The following SLC37A1 variants were observed in gnomAD, a reference collection of about 807,000 sequenced individuals.
SLC37A1 encodes the protein solute carrier family 37 member 1.
In SLC37A1, 49 loss-of-function variants were observed where a neutral mutation model predicts 75.3. The observed-to-expected ratio is 0.65, with a 90% confidence interval of 0.52 to 0.83. The LOEUF (loss-of-function observed/expected upper bound fraction) is 0.83. Ranked by LOEUF, SLC37A1 falls within the 40% of genes least tolerant of loss-of-function variation. SLC37A1 has a pLI of 0.00. For missense variants in SLC37A1, 566 were observed against 695.0 expected, an observed-to-expected ratio of 0.81 and a Z score of 2.09; for synonymous variants, 268 against 292.1, an observed-to-expected ratio of 0.92 and a Z score of 0.84.
At chr21:42,543,106 A>C (rs543362284) in intron 7 of SLC37A1, among the ~76,000 whole-genome samples, 30 of 152,344 alleles carry the variant, frequency 2.0e-4, no homozygotes, top group African/African-American at 7.2e-4. Flanking sequence ...ACAGTTCATC[A>C]AGTGACTGTA....
chr21:42,518,505 T>A lies in SLC37A1; in HGVS notation c.51T>A (p.Asp17Glu). Residue 17 changes from aspartate (D) to glutamate (E), a missense_variant, in exon 2 of 20, where the codon GAT (aspartate) becomes GAA (glutamate). By Grantham distance (45) the Asp-to-Glu change is conservative (BLOSUM62 2). Transcript: ENST00000352133. Reference sequence around the variant, plus strand: ...GCTTCATCATCTCATTCTCCAGGGATCAGTGGTGAGTCCTGGTGGGGCAGG... The same window carrying A: ...GCTTCATCATCTCATTCTCCAGGGAACAGTGGTGAGTCCTGGTGGGGCAGG... Reference protein sequence around the residue: ...GIRFIISFSRDQWYRAFIFIL... With the variant: ...GIRFIISFSREQWYRAFIFIL... The A allele has an allele frequency of 6.8e-6, 11 of 1,614,108 alleles. No homozygotes were observed. The highest frequency in any genetic ancestry group is 9.3e-6 in the Non-Finnish European group (11 of 1,180,028).
Position 42,580,486 on chromosome 21 carries a change from G to T in SLC37A1, c.*126G>T. On this transcript the variant is annotated 3_prime_UTR_variant, in exon 20 of 20. Transcript: ENST00000352133. The stretch of plus-strand genomic sequence containing the variant: ...CCTTTGCCTTTTGCACACGCACCTG[G>T]AAAAGACACAGAAGCCAACCTGAGA... 1 of 1,053,180 alleles carries T rather than the reference G, an allele frequency of 9.5e-7. No individual in the cohort carries two copies. Among genetic ancestry groups the T allele is most frequent in the Non-Finnish European group, 1.4e-6 (1 of 730,332 alleles). 65.2% of individuals were successfully genotyped at this position (1,053,180 alleles called of 1,614,324 possible).
upstream of SLC37A1, among the ~76,000 whole-genome samples, chr21:42,511,035 G>C (rs931054156): frequency 6.6e-6 from 1 of 152,204 alleles, no homozygotes; most frequent in African/African-American, 2.4e-5. Flanking sequence ...CCCAGCAGCT[G>C]AATGCACATT....
intron 2 of SLC37A1, among the ~76,000 whole-genome samples, chr21:42,503,748 C>A (rs1239614379): frequency 6.6e-6 from 1 of 152,186 alleles, no homozygotes; most frequent in Non-Finnish European, 1.5e-5. Flanking sequence ...GTTACTAGGA[C>A]AAGCATCTAA....
chr21:42,561,324 TAAAAC>T (rs1348122153), intron 11 of SLC37A1: 1 of 153,764 alleles, frequency 6.5e-6, no homozygotes, highest in Non-Finnish European at 1.5e-5. Flanking sequence ...AAAGTAGACA[TAAAAC>T]AAACACAAAC....
intron 15 of SLC37A1, 137 bp downstream of exon 15, chr21:42,566,012 G>A: frequency 1.3e-6 from 1 of 763,460 alleles, no homozygotes; most frequent in South Asian, 1.7e-5. Flanking sequence ...AATTGTCCGT[G>A]TCCTCCTTTG....
intron 2 of SLC37A1, among the ~76,000 whole-genome samples, chr21:42,506,964 C>T (rs1007188656): frequency 6.6e-6 from 1 of 152,132 alleles, no homozygotes; most frequent in Admixed American, 6.5e-5. Flanking sequence ...CTCACTGCCA[C>T]CTCTGCCTCC....
In SLC37A1 at chr21:42,548,224, A is replaced by C. The variant is rs1334529789; in HGVS notation, c.768+1084A>C. Among the ~76,000 whole-genome samples the C allele has an allele frequency of 6.6e-6, 1 of 152,118 alleles. No homozygotes were observed. Among genetic ancestry groups the C allele is most frequent in the Non-Finnish European group, 1.5e-5 (1 of 68,018 alleles). On this transcript the variant is annotated intron_variant, in intron 9 of 19. Coordinates refer to ENST00000352133, the MANE Select transcript of SLC37A1 (RefSeq NM_001320537.2). This position sits in a 1 kb window ranked among gnomAD's most constrained non-coding sequence, Gnocchi z 5.6. ...CCTTTCAGCGGCTCCAGGTGCGTTG[A>C]TGTCGAGTCACCATGCTGTCCCCAG...
At chr21:42,509,244 G>C (rs1312822303), upstream of SLC37A1, 9 of 152,150 alleles carry the variant, frequency 5.9e-5, no homozygotes, top group East Asian at 1.7e-3. This position sits in a 1 kb window ranked among gnomAD's most constrained non-coding sequence, Gnocchi z 4.2. Flanking sequence ...CAATTTTAAA[G>C]CTTTTCTATG....
chr21:42,540,964 G>T (rs1419953017), intron 6 of SLC37A1, among the ~76,000 whole-genome samples: 2 of 152,344 alleles, frequency 1.3e-5, no homozygotes, highest in Admixed American at 1.3e-4. Context: ...AGTTAGACCA[G>T]CGGCTCCCAG....
chr21:42,534,915 T>C, intron 4 of SLC37A1, 85 bp downstream of exon 4: 1 of 1,483,256 alleles, frequency 6.7e-7, no homozygotes, highest in South Asian at 1.4e-5. Context: ...AGTAATGCTG[T>C]TCCCAGATGT....
rs3216127 is a variant in SLC37A1 at position 42,554,046 on chromosome 21, C to CT, written c.769-6dup. ...TTGAATCAGTATCGCTCTAATGAAA[C>CT]TTTTTTTTTTACCAGCACTCAAAAG... On this transcript the variant is annotated splice_polypyrimidine_tract_variant and intron_variant, in intron 9 of 19. Transcript: ENST00000352133. 4.2e-3 allele frequency: 5,891 copies of CT among 1,395,028 alleles called. 5 individuals are homozygous for CT. The highest frequency in any genetic ancestry group is 4.5e-3 in the Non-Finnish European group (4,593 of 1,018,260). The allele number at this position is 1,395,028 out of a possible 1,614,324, so 86.4% of individuals were successfully genotyped here.
chr21:42,524,406 C>T (rs980104665), intron 2 of SLC37A1, among the ~76,000 whole-genome samples: 1 of 152,256 alleles, frequency 6.6e-6, no homozygotes, highest in African/African-American at 2.4e-5. Context: ...CTGACTCTTT[C>T]GGCTGCTTTT....
chr21:42,546,519 C>T (rs959442752), intron 8 of SLC37A1, among the ~76,000 whole-genome samples: 5 of 152,208 alleles, frequency 3.3e-5, no homozygotes, highest in South Asian at 2.1e-4. Context: ...GTCCACACAG[C>T]GTCCGCATGC....
At chr21:42,575,311 A>G in intron 18 of SLC37A1, 1 of 985,372 alleles carries the variant, frequency 1.0e-6, no homozygotes, top group Non-Finnish European at 1.2e-6. Flanking sequence ...CAGATGATAC[A>G]CAGAGCCTGG....
At chr21:42,506,074 T>C (rs960432802) in intron 2 of SLC37A1, among the ~76,000 whole-genome samples, 3 of 152,212 alleles carry the variant, frequency 2.0e-5, no homozygotes, top group African/African-American at 7.2e-5. Context: ...CCTTGTATAC[T>C]TGCACGGTGA....
At chr21:42,535,595 C>T in intron 5 of SLC37A1, 45 bp downstream of exon 5, 1 of 1,542,010 alleles carries the variant, frequency 6.5e-7, no homozygotes, top group Non-Finnish European at 9.0e-7. Context: ...TTACCTGGCC[C>T]CTCCGTGCAG....
chr21:42,543,665 G>C, intron 8 of SLC37A1, 63 bp downstream of exon 8: 1 of 1,501,122 alleles, frequency 6.7e-7, no homozygotes, highest in African/African-American at 1.4e-5. Flanking sequence ...CTGCCTGGGT[G>C]GGCCTTGGGG....
In SLC37A1 at chr21:42,530,654, A is replaced by ACACCCCCC. The variant is rs1161313598; in HGVS notation, c.139-4043_139-4042insACCCCCCC. Among the ~76,000 whole-genome samples the ACACCCCCC allele has an allele frequency of 2.9e-3, 104 of 35,868 alleles. 3 individuals carry two copies. The highest frequency in any genetic ancestry group is 9.6e-3 in the Middle Eastern group (1 of 104). 23.5% of individuals were successfully genotyped at this position (35,868 alleles called of 152,430 possible). On this transcript the variant is annotated intron_variant, in intron 3 of 19. Coordinates refer to ENST00000352133, the MANE Select transcript of SLC37A1 (RefSeq NM_001320537.2). ...CACACACACACACACACACACACAC[A>ACACCCCCC]CCCCCTCTGTGTTGGCTGAAGGTGG...
Sources: gnomAD v4.1 joint callset for allele counts (sites outside exome capture counted in the v4.1 genomes callset) on GRCh38, gnomAD v4.1.1 for gene constraint, Gnocchi (gnomAD v3.1) non-coding constraint, MANE v1.5 for transcripts, NCBI Gene and HGNC (gene_info 2026-07-23, HGNC 2026-07-21) for gene names.